Variants in PLCG2 observed in about 807,000 individuals in gnomAD.
The protein encoded by PLCG2 is 1-phosphatidylinositol 4,5-bisphosphate phosphodiesterase gamma-2.
PLCG2 carries 69 observed loss-of-function variants against 175.6 expected under a neutral mutation model. The ratio of observed to expected loss-of-function variants is 0.39; its 90% confidence interval spans 0.32 to 0.48. The LOEUF (loss-of-function observed/expected upper bound fraction) is 0.48. PLCG2 is among the 20% of genes least tolerant of loss of function. PLCG2 has a pLI of 0.91. For synonymous variants in PLCG2, 827 were observed against 624.0 expected (o/e 1.33, Z -4.85); for missense variants, 1,798 against 1,650.9 (o/e 1.09, Z -1.54).
At position 81,962,162 on chromosome 16, in the gene PLCG2, C is replaced by A; in HGVS notation, c.*4164C>A. 1 of 186,448 alleles carries A rather than the reference C, an allele frequency of 5.4e-6. No individual in the cohort carries two copies. The allele number at this position is 186,448 out of a possible 1,614,324, so 11.5% of individuals were successfully genotyped here. On this transcript the variant is annotated 3_prime_UTR_variant, in exon 33 of 33. Coordinates refer to ENST00000564138, the MANE Select transcript of PLCG2 (RefSeq NM_002661.5). ...CTGCTGGAACCTCCAAACAAGCTCT[C>A]AAGATTGCTGATCTAGGGCCACTAA...
chr16:81,786,090 G>C lies in PLCG2; in HGVS notation c.101G>C (p.Arg34Pro). 6.2e-7 allele frequency: 1 copy of C among 1,614,174 alleles called. No individual in the cohort carries two copies. Among genetic ancestry groups the C allele is most frequent in the East Asian group, 2.2e-5 (1 of 44,884 alleles). The stretch of plus-strand genomic sequence containing the variant: ...ACGGTGATGACTGTGTTCAGCTTCC[G>C]CAAGTCCACCCCCGAGCGGAGAACC... ...LGTVMTVFSF[R>P]KSTPERRTVQ... Residue 34 changes from arginine (R) to proline (P), a missense_variant, in exon 2 of 33, where the codon CGC (arginine) becomes CCC (proline). By Grantham distance (103) the Arg-to-Pro change is moderately radical. Coordinates refer to ENST00000564138, the MANE Select transcript of PLCG2 (RefSeq NM_002661.5).
chr16:81,952,993 C>G (rs1446110920), intron 31 of PLCG2, among the ~76,000 whole-genome samples: 1 of 152,338 alleles, frequency 6.6e-6, no homozygotes, highest in Non-Finnish European at 1.5e-5. Context: ...GTTGAAATCA[C>G]GTACTTCCTG....
chr16:81,805,771 T>TTTTG (rs1911986746), intron 2 of PLCG2, among the ~76,000 whole-genome samples: 4 of 87,878 alleles, frequency 4.6e-5, no homozygotes, highest in African/African-American at 1.8e-4. Context: ...TGTTTTGTTT[T>TTTTG]TTTTTTTTTT....
In PLCG2 at chr16:81,853,570, G is replaced by T. The variant is rs75080768; in HGVS notation, c.194-874G>T. Among the ~76,000 whole-genome samples the T allele has an allele frequency of 2.7e-3, 408 of 152,238 alleles. 3 individuals are homozygous for T. Among genetic ancestry groups the T allele is most frequent in the African/African-American group, 9.4e-3 (389 of 41,544 alleles). On this transcript the variant is annotated intron_variant, in intron 2 of 32. Coordinates refer to ENST00000564138, the MANE Select transcript of PLCG2 (RefSeq NM_002661.5). ...CACACAACCTGGATCCCTCGCATGC[G>T]TAGTTCACCGTAGGGTTTGCGCCCC...
intron 2 of PLCG2, among the ~76,000 whole-genome samples, chr16:81,788,734 G>A (rs1239744956): frequency 6.6e-6 from 1 of 152,212 alleles, no homozygotes; most frequent in African/African-American, 2.4e-5. Flanking sequence ...GGCTTTTCCT[G>A]GTTTTGGAGC....
intron 8 of PLCG2, among the ~76,000 whole-genome samples, chr16:81,881,260 T>C (rs888928226): frequency 6.6e-6 from 1 of 151,634 alleles, no homozygotes; most frequent in Non-Finnish European, 1.5e-5. Context: ...TTTTTTTTAA[T>C]TACAAAAACT....
intron 2 of PLCG2, among the ~76,000 whole-genome samples, chr16:81,852,791 C>T (rs763772631): frequency 4.6e-5 from 7 of 152,198 alleles, no homozygotes; most frequent in Admixed American, 1.3e-4. Context: ...CTGTGTTCCA[C>T]ATGTTGTCAG....
At chr16:81,865,172 G>A (rs2143512292) in intron 5 of PLCG2, among the ~76,000 whole-genome samples, 1 of 152,290 alleles carries the variant, frequency 6.6e-6, no homozygotes, top group Non-Finnish European at 1.5e-5. Context: ...CCAGGCCTTT[G>A]TTCCCTTGCG....
chr16:81,910,559 C>T lies in PLCG2; in HGVS notation c.1773C>T (p.Thr591=). ...GRVQHCRIRS[T]MEGGTLKYYL... ...TCCAGCACTGCCGGATCCGCTCCAC[C>T]ATGGAGGGCGGGACCCTGAAATACT... Residue 591 remains threonine (T), a synonymous_variant, in exon 18 of 33, where the codon ACC becomes ACT. Coordinates refer to ENST00000564138, the MANE Select transcript of PLCG2 (RefSeq NM_002661.5). The T allele has an allele frequency of 6.2e-7, 1 of 1,614,160 alleles. No individual in the cohort carries two copies. Among genetic ancestry groups the T allele is most frequent in the Non-Finnish European group, 8.5e-7 (1 of 1,180,008 alleles).
upstream of PLCG2, among the ~76,000 whole-genome samples, chr16:81,775,232 A>T (rs1910373348): frequency 6.6e-6 from 1 of 152,152 alleles, no homozygotes; most frequent in African/African-American, 2.4e-5. Context: ...TTACCTTCCG[A>T]TAGGCCCGCT....
At chr16:81,873,987 A>C (rs1907645572) in intron 7 of PLCG2, among the ~76,000 whole-genome samples, 1 of 152,158 alleles carries the variant, frequency 6.6e-6, no homozygotes, top group Non-Finnish European at 1.5e-5. Flanking sequence ...AAAATGTCAG[A>C]ACCCTCTGGG....
chr16:81,746,947 C>G (rs1018734897), intron 1 of PLCG2, among the ~76,000 whole-genome samples: 21 of 152,102 alleles, frequency 1.4e-4, no homozygotes, highest in African/African-American at 4.6e-4. Flanking sequence ...AGCCAAAATT[C>G]ATAGGCAAAA....
At chr16:81,924,261 C>G (rs1780004966) in intron 22 of PLCG2, among the ~76,000 whole-genome samples, 1 of 152,252 alleles carries the variant, frequency 6.6e-6, no homozygotes, top group Non-Finnish European at 1.5e-5. Context: ...GCAATAAGAA[C>G]TTGCTCATAA....
At chr16:81,908,356 C>A in intron 16 of PLCG2, 60 bp from the exon 17 acceptor site, 1 of 1,479,742 alleles carries the variant, frequency 6.8e-7, no homozygotes, top group Non-Finnish European at 9.3e-7. Flanking sequence ...AAGGACCTGT[C>A]TAGTGATGCT....
chr16:81,804,973 A>C (rs1194630524), intron 2 of PLCG2, among the ~76,000 whole-genome samples: 1 of 152,198 alleles, frequency 6.6e-6, no homozygotes, highest in Non-Finnish European at 1.5e-5. Context: ...TCTAGTCATT[A>C]CAATCTGTCT....
chr16:81,836,229 A>G (rs1905508935), intron 2 of PLCG2, among the ~76,000 whole-genome samples: 1 of 152,144 alleles, frequency 6.6e-6, no homozygotes, highest in African/African-American at 2.4e-5. Flanking sequence ...AGAGGGGGAA[A>G]CTGAGGCCCA....
chr16:81,859,047 C>T (rs2143490481), intron 4 of PLCG2, 69 bp from the exon 5 acceptor site: 1 of 926,572 alleles, frequency 1.1e-6, no homozygotes, highest in South Asian at 1.3e-5. Flanking sequence ...TTCCGTAGGA[C>T]TCACTTAGAC....
In PLCG2 at chr16:81,908,513, T is replaced by C. The variant is rs1245591089; in HGVS notation, c.1655T>C (p.Met552Thr). Residue 552 changes from methionine (M) to threonine (T), a missense_variant, in exon 17 of 33, where the codon ATG becomes ACG. Physicochemically the swap from Met to Thr is moderately conservative, Grantham distance 81. Coordinates refer to ENST00000564138, the MANE Select transcript of PLCG2 (RefSeq NM_002661.5). Reference sequence around the variant, plus strand: ...GAGAAGTTGCTGCAGGAATACTGCATGGAGACGGGGGGCAAGGATGGCACC... The same window carrying C: ...GAGAAGTTGCTGCAGGAATACTGCACGGAGACGGGGGGCAAGGATGGCACC... ...SAEKLLQEYC[M>T]ETGGKDGTFL... The C allele has an allele frequency of 1.9e-6, 3 of 1,613,980 alleles. No homozygotes were observed. Among genetic ancestry groups the C allele is most frequent in the East Asian group, 4.5e-5 (2 of 44,884 alleles).
chr16:81,817,548 G>C (rs1452691813), intron 2 of PLCG2, among the ~76,000 whole-genome samples: 1 of 152,218 alleles, frequency 6.6e-6, no homozygotes. Flanking sequence ...AAACACAAGT[G>C]ATAAAACAAG....
Sources: allele counts gnomAD v4.1 joint callset (sites outside exome capture counted in the v4.1 genomes callset), GRCh38; gene constraint gnomAD v4.1.1; transcripts MANE v1.5; gene names NCBI Gene and HGNC (gene_info 2026-07-23, HGNC 2026-07-21).